Variants in SAP130 observed in about 807,000 individuals in gnomAD.
The protein encoded by SAP130 is Sin3A associated protein 130.
A neutral mutation model predicts 103.2 loss-of-function variants in SAP130; 16 were observed. The observed-to-expected ratio is 0.16, with a 90% CI of 0.10 to 0.24. The LOEUF (loss-of-function observed/expected upper bound fraction) is 0.24. SAP130 is among the 10% of genes least tolerant of loss of function. SAP130 has a pLI of 1.00. For missense variants in SAP130, 990 were observed against 1,359.7 expected, an observed-to-expected ratio of 0.73 and a Z score of 4.28; for synonymous variants, 477 against 497.0, an observed-to-expected ratio of 0.96 and a Z score of 0.53.
At chr2:127,979,827 C>T (rs1681733540) in intron 14 of SAP130, among the ~76,000 whole-genome samples, 1 of 151,240 alleles carries the variant, frequency 6.6e-6, no homozygotes, top group Non-Finnish European at 1.5e-5. Context: ...AGCTGATAAG[C>T]TGAGAACTAA....
chr2:128,019,299 C>T (rs1353994775), intron 2 of SAP130, among the ~76,000 whole-genome samples: 1 of 151,800 alleles, frequency 6.6e-6, no homozygotes, highest in African/African-American at 2.4e-5. Context: ...GACAAGGTCT[C>T]ACTCTGTCTC....
In SAP130 at chr2:127,942,342, C is replaced by CG. The variant is rs1021092757; in HGVS notation, c.3015+81dup. The CG allele has an allele frequency of 1.8e-5, 20 of 1,121,170 alleles. No individual in the cohort carries two copies. The highest frequency in any genetic ancestry group is 4.6e-5 in the African/African-American group (3 of 65,068). 69.5% of individuals were successfully genotyped at this position (1,121,170 alleles called of 1,614,324 possible). On this transcript the variant is annotated intron_variant, in intron 20 of 20. Transcript: ENST00000643581. This position sits in a 1 kb window ranked among gnomAD's most constrained non-coding sequence, Gnocchi z 4.8. Reference sequence around the variant, plus strand: ...GTTTTTACTGAAGATATGAGGGAGACGGGGGGAAACGGGAGAAGTAGGGCT... The same window carrying CG: ...GTTTTTACTGAAGATATGAGGGAGACGGGGGGGAAACGGGAGAAGTAGGGCT...
intron 11 of SAP130, among the ~76,000 whole-genome samples, chr2:127,994,436 AC>A (rs2105045668): frequency 6.6e-6 from 1 of 152,338 alleles, no homozygotes; most frequent in Admixed American, 6.5e-5. Flanking sequence ...TACTAAAAAT[AC>A]AAAAATTAGC....
In SAP130 at chr2:128,015,196, G is replaced by A. The variant is rs768846094; in HGVS notation, c.508-282C>T. On this transcript the variant is annotated intron_variant, in intron 4 of 20. Coordinates refer to ENST00000643581, the MANE Select transcript of SAP130 (RefSeq NM_001330301.2). ...TCTACGTTTAGAAACTCTCATCTGC[G>A]ATATTACCTTTCACACTTGTTTTCC... Among the ~76,000 whole-genome samples the A allele has an allele frequency of 1.5e-4, 23 of 152,174 alleles. 1 individual carries two copies. Among genetic ancestry groups the A allele is most frequent in the Admixed American group, 1.3e-3 (20 of 15,274 alleles).
chr2:127,977,874 G>T, intron 15 of SAP130, 111 bp downstream of exon 15: 1 of 829,452 alleles, frequency 1.2e-6, no homozygotes, highest in African/African-American at 1.7e-5. Context: ...CTGCACTCCA[G>T]CCTGGGCTAT....
At chr2:127,978,599 T>C (rs1298706131) in intron 14 of SAP130, among the ~76,000 whole-genome samples, 3 of 152,190 alleles carry the variant, frequency 2.0e-5, no homozygotes, top group Admixed American at 1.3e-4. Context: ...TTTGAAAACA[T>C]GAGCAATCTT....
intron 19 of SAP130, among the ~76,000 whole-genome samples, chr2:127,944,300 T>G (rs1230931914): frequency 6.6e-6 from 1 of 152,124 alleles, no homozygotes; most frequent in Non-Finnish European, 1.5e-5. Flanking sequence ...CCTTCCAAAG[T>G]ACTGGGATCA....
At chr2:128,005,029 C>T (rs1397389995) in intron 7 of SAP130, among the ~76,000 whole-genome samples, 1 of 152,202 alleles carries the variant, frequency 6.6e-6, no homozygotes, top group African/African-American at 2.4e-5. Flanking sequence ...GAAGTGCTTT[C>T]ACTACGCAGA....
At chr2:127,977,595 A>T (rs866421090) in intron 15 of SAP130, among the ~76,000 whole-genome samples, 1 of 152,256 alleles carries the variant, frequency 6.6e-6, no homozygotes, top group Non-Finnish European at 1.5e-5. Context: ...AAAGTGTTTT[A>T]AAAGTATCAT....
intron 18 of SAP130, 146 bp downstream of exon 18, chr2:127,949,723 C>T (rs1272628405): frequency 8.6e-6 from 7 of 809,522 alleles, no homozygotes; most frequent in East Asian, 2.7e-5. Flanking sequence ...ACAGGATATA[C>T]TTAAACACTA....
chr2:127,982,174 A>G (rs970292939), intron 14 of SAP130, among the ~76,000 whole-genome samples: 1 of 150,856 alleles, frequency 6.6e-6, no homozygotes, highest in African/African-American at 2.5e-5. Flanking sequence ...GAAGAGCAAA[A>G]AAAAAAAATT....
chr2:127,958,670 G>T (rs972440944), intron 15 of SAP130, among the ~76,000 whole-genome samples: 15 of 143,590 alleles, frequency 1.0e-4, no homozygotes, highest in African/African-American at 4.1e-4. Flanking sequence ...GAGAGAGAGA[G>T]AGAGAGAGAG....
Position 127,955,056 on chromosome 2 carries a change from C to A in SAP130, c.2352G>T (p.Leu784Phe). The A allele has an allele frequency of 6.2e-7, 1 of 1,614,016 alleles. No individual in the cohort carries two copies. The highest frequency in any genetic ancestry group is 1.1e-5 in the South Asian group (1 of 91,070). ...CTTTAATTTCAGGAACGGGAGGGCC[C>A]AAGACGGAGGAAAGACTGCCACCCA... ...VTVGGSLSSVLGPPVPEIKVK... is the reference protein window; with the variant it reads ...VTVGGSLSSVFGPPVPEIKVK... Residue 784 changes from leucine (L) to phenylalanine (F), a missense_variant, in exon 16 of 21, where the codon TTG becomes TTT. Coordinates refer to ENST00000643581, the MANE Select transcript of SAP130 (RefSeq NM_001330301.2). This position sits in a 1 kb window ranked among gnomAD's most constrained non-coding sequence, Gnocchi z 4.9.
At chr2:127,947,311 T>C (rs1679155092) in intron 18 of SAP130, among the ~76,000 whole-genome samples, 1 of 152,184 alleles carries the variant, frequency 6.6e-6, no homozygotes, top group Non-Finnish European at 1.5e-5. Context: ...ATGGCAACCC[T>C]AGGAAATTAA....
intron 12 of SAP130, among the ~76,000 whole-genome samples, chr2:127,991,653 T>C (rs1332746299): frequency 6.6e-6 from 1 of 152,160 alleles, no homozygotes; most frequent in African/African-American, 2.4e-5. Flanking sequence ...AACAAGATAT[T>C]TTACATTCTC....
chr2:128,020,152 T>C (rs182265470), intron 2 of SAP130, among the ~76,000 whole-genome samples: 1 of 152,302 alleles, frequency 6.6e-6, no homozygotes, highest in East Asian at 1.9e-4. Flanking sequence ...TTTTTATTCA[T>C]TTGACTTTTT....
intron 7 of SAP130, among the ~76,000 whole-genome samples, chr2:128,009,866 G>T (rs116448474): frequency 3.9e-5 from 6 of 152,006 alleles, no homozygotes; most frequent in Admixed American, 6.6e-5. Flanking sequence ...TCTTCTCTCC[G>T]ATAACCATAT....
At chr2:128,024,737 AGGC>A (rs1293999921) in intron 2 of SAP130, among the ~76,000 whole-genome samples, 1 of 149,194 alleles carries the variant, frequency 6.7e-6, no homozygotes, top group African/African-American at 2.5e-5. Flanking sequence ...AAAATTACCC[AGGC>A]ATGGTAGCGC....
intron 2 of SAP130, among the ~76,000 whole-genome samples, chr2:128,023,163 T>G (rs1244393509): frequency 6.6e-6 from 1 of 151,966 alleles, no homozygotes; most frequent in Non-Finnish European, 1.5e-5. Context: ...CCCAGCTAAT[T>G]TTTGTATTTT....
Sources: allele counts gnomAD v4.1 joint callset (sites outside exome capture counted in the v4.1 genomes callset), GRCh38; gene constraint gnomAD v4.1.1; non-coding constraint Gnocchi (gnomAD v3.1); transcripts MANE v1.5; gene names NCBI Gene and HGNC (gene_info 2026-07-23, HGNC 2026-07-21).